TMC5: variants seen among roughly 807,000 people sequenced by gnomAD.
The protein encoded by TMC5 is transmembrane channel like 5.
TMC5 carries 86 observed loss-of-function variants against 110.5 expected under a neutral mutation model. The ratio of observed to expected loss-of-function variants is 0.78; its 90% CI spans 0.65 to 0.93. The LOEUF is 0.93. Ranked by LOEUF, TMC5 falls within the 40% of genes least tolerant of loss-of-function variation. TMC5 has a pLI of 0.00. For missense variants in TMC5, 1,144 were observed against 1,222.8 expected (o/e 0.94, Z 0.96); for synonymous variants, 455 against 439.5 (o/e 1.04, Z -0.44).
Position 19,439,997 on chromosome 16 carries a change from C to G in TMC5, c.-42C>G. The G allele has an allele frequency of 1.3e-6, 2 of 1,492,708 alleles. No individual in the cohort carries two copies. The highest frequency in any genetic ancestry group is 1.8e-6 in the Non-Finnish European group (2 of 1,098,566). 92.5% of individuals were successfully genotyped at this position (1,492,708 alleles called of 1,614,324 possible). On this transcript the variant is annotated 5_prime_UTR_variant, in exon 3 of 22. Transcript: ENST00000542583. ...AAAGATCCCTGAGTAATTGCAAATG[C>G]TGGGACAGTTTACCACTCCAGGGTG... is the stretch of plus-strand genomic sequence containing the variant.
At chr16:19,447,513 T>C (rs1480862866) in intron 4 of TMC5, among the ~76,000 whole-genome samples, 3 of 152,204 alleles carry the variant, frequency 2.0e-5, no homozygotes, top group Non-Finnish European at 4.4e-5. Context: ...GAGGATTATT[T>C]AATCATTTCA....
chr16:19,469,912 T>TG (rs372885910), intron 10 of TMC5, 87 bp downstream of exon 10: 67,477 of 1,181,426 alleles, frequency 0.057, 34 homozygotes, highest in Non-Finnish European at 0.064. Flanking sequence ...TTTTTTTTTT[T>TG]GAATTGGAGT....
At chr16:19,453,011 TTA>T (rs34304163) in intron 5 of TMC5, among the ~76,000 whole-genome samples, 42 of 145,496 alleles carry the variant, frequency 2.9e-4, no homozygotes, top group African/African-American at 1.0e-3. Flanking sequence ...TATATATATA[TTA>T]TATATATATA....
intron 14 of TMC5, among the ~76,000 whole-genome samples, chr16:19,480,851 CT>C (rs941879693): frequency 1.4e-5 from 2 of 139,258 alleles, no homozygotes; most frequent in Non-Finnish European, 3.1e-5. Flanking sequence ...TTTGACAGAT[CT>C]TTTTTTTTAA....
intron 4 of TMC5, 30 bp downstream of exon 4, chr16:19,444,280 C>A: frequency 6.2e-7 from 1 of 1,604,644 alleles, no homozygotes; most frequent in Non-Finnish European, 8.5e-7. Context: ...GGATCATATC[C>A]TGGGAAAAAA....
chr16:19,449,851 GC>G (rs796474868), intron 5 of TMC5, among the ~76,000 whole-genome samples: 43 of 152,130 alleles, frequency 2.8e-4, no homozygotes, highest in African/African-American at 1.0e-3. Flanking sequence ...TGTAAGATGT[GC>G]CCTTCTTTCC....
At position 19,423,145 on chromosome 16, in the gene TMC5, T is replaced by G. The variant is rs182334079; in HGVS notation, c.-308+5053T>G. 1.6e-4 allele frequency among the ~76,000 whole-genome samples: 25 copies of G among 152,278 alleles called. 1 individual carries two copies. In the East Asian group the frequency reaches 4.8e-3, roughly 29 times the overall value. ...CATTCTTTTCTCTCCCAATTTTGTT[T>G]CATTGTTTATAATTTGTTGTTTCCT... On this transcript the variant is annotated intron_variant, in intron 1 of 21. Coordinates refer to ENST00000542583, the MANE Select transcript of TMC5 (RefSeq NM_001261841.2).
At chr16:19,422,417 T>C (rs1967005151) in intron 1 of TMC5, among the ~76,000 whole-genome samples, 1 of 152,224 alleles carries the variant, frequency 6.6e-6, no homozygotes, top group Admixed American at 6.5e-5. Context: ...ACTTTCCAGG[T>C]GTCTCCGTTT....
At position 19,486,952 on chromosome 16, in the gene TMC5, ATCT is replaced by A. The variant is rs1286788163; in HGVS notation, c.2378_2380del (p.Phe793del). 1.2e-5 allele frequency: 20 copies of A among 1,613,776 alleles called. No individual in the cohort carries two copies. Among genetic ancestry groups the A allele is most frequent in the Non-Finnish European group, 1.7e-5 (20 of 1,179,990 alleles). ...ACCCTCTCTCCCTCACAGGATTGGC[ATCT>A]TCTTCTGCCCCCTGCTGCCCTTTAT... On this transcript the variant is annotated inframe_deletion, in exon 16 of 22. Coordinates refer to ENST00000542583, the MANE Select transcript of TMC5 (RefSeq NM_001261841.2).
At chr16:19,490,913 T>TTCCCC (rs1968882074) in intron 18 of TMC5, among the ~76,000 whole-genome samples, 1 of 118,166 alleles carries the variant, frequency 8.5e-6, no homozygotes, top group African/African-American at 3.3e-5. Context: ...CTCCCTTCCC[T>TTCCCC]TCCCCTTCTT....
At chr16:19,435,584 TAC>T (rs143806601) in intron 2 of TMC5, among the ~76,000 whole-genome samples, 63 of 102,290 alleles carry the variant, frequency 6.2e-4, no homozygotes, top group East Asian at 3.6e-3. Flanking sequence ...GATTTTTACA[TAC>T]ACACACACAC....
intron 4 of TMC5, among the ~76,000 whole-genome samples, chr16:19,448,863 CTT>C (rs761356076): frequency 4.7e-5 from 6 of 128,166 alleles, no homozygotes; most frequent in East Asian, 2.2e-4. Flanking sequence ...GTATTTTTTT[CTT>C]TTTTTTTTTT....
At chr16:19,486,441 A>G (rs1004145232) in intron 15 of TMC5, among the ~76,000 whole-genome samples, 4 of 152,264 alleles carry the variant, frequency 2.6e-5, no homozygotes, top group South Asian at 4.1e-4. Context: ...CAATGGCACA[A>G]TCTCGGCTCA....
upstream of TMC5, among the ~76,000 whole-genome samples, chr16:19,413,145 A>G (rs1375691750): frequency 6.6e-6 from 1 of 152,074 alleles, no homozygotes; most frequent in East Asian, 1.9e-4. Context: ...CCCGCTTCTC[A>G]TCTAGACAGT....
rs1405838984 is a variant in TMC5 at position 19,463,952 on chromosome 16, C to T, written c.1413C>T (p.Ile471=). ...IFSFILNFSF[I]IIPQFTVAKK... is the part of the protein sequence containing the mutation. ...CATTCATCCTGAACTTCAGCTTCAT[C>T]ATAATCCCTCAGTTTACCGTGGCCA... The change falls in exon 8 of 22, where the codon ATC becomes ATT. Residue 471 remains isoleucine, a synonymous_variant. Coordinates refer to ENST00000542583, the MANE Select transcript of TMC5 (RefSeq NM_001261841.2). The T allele has an allele frequency of 6.2e-7, 1 of 1,614,180 alleles. No individual in the cohort carries two copies. Among genetic ancestry groups the T allele is most frequent in the Admixed American group, 1.7e-5 (1 of 60,016 alleles).
At chr16:19,472,295 G>A in intron 11 of TMC5, 52 bp downstream of exon 11, 1 of 1,595,930 alleles carries the variant, frequency 6.3e-7, no homozygotes, top group Non-Finnish European at 8.6e-7. Context: ...GGGATGAGAT[G>A]CTGGAGGGGA....
chr16:19,459,963 C>T (rs141916397), intron 5 of TMC5, among the ~76,000 whole-genome samples: 71 of 147,612 alleles, frequency 4.8e-4, no homozygotes, highest in Non-Finnish European at 7.6e-4. Flanking sequence ...TGACCAAACA[C>T]GCAGGATCTT....
intron 17 of TMC5, 113 bp downstream of exon 17, chr16:19,487,439 C>T (rs11866114): frequency 8.0e-6 from 11 of 1,372,462 alleles, no homozygotes; most frequent in Admixed American, 8.0e-5. Flanking sequence ...CAGTGGCTCA[C>T]GCCTGTGATC....
At position 19,490,474 on chromosome 16, in the gene TMC5, C is replaced by G. The variant is rs1469905841; in HGVS notation, c.2653C>G (p.Leu885Val). 6.2e-7 allele frequency: 1 copy of G among 1,614,062 alleles called. No homozygotes were observed. The highest frequency in any genetic ancestry group is 1.3e-5 in the African/African-American group (1 of 74,930). The stretch of plus-strand genomic sequence containing the variant: ...CTCCATCTACAGCTGGATCGACACC[C>G]TAAGTACACGGCCTGGCTACCTGTG... Reference protein sequence around the residue: ...IHSIYSWIDTLSTRPGYLWVV... With the variant: ...IHSIYSWIDTVSTRPGYLWVV... The change falls in exon 18 of 22, where the codon CTA becomes GTA. Residue 885 changes from leucine (L) to valine (V), a missense_variant. Leu to Val is a conservative substitution (Grantham distance 32). Coordinates refer to ENST00000542583, the MANE Select transcript of TMC5 (RefSeq NM_001261841.2).
Sources: gnomAD v4.1 joint callset for allele counts (sites outside exome capture counted in the v4.1 genomes callset) on GRCh38, gnomAD v4.1.1 for gene constraint, MANE v1.5 for transcripts, NCBI Gene and HGNC (gene_info 2026-07-23, HGNC 2026-07-21) for gene names.